The following PCDHA7 variants were observed in gnomAD, a reference collection of about 807,000 sequenced individuals.
PCDHA7 encodes the protein protocadherin alpha-7.
PCDHA7 carries 37 observed loss-of-function variants against 57.2 expected under a neutral mutation model. The observed-to-expected ratio is 0.65, with a 90% confidence interval of 0.50 to 0.85. PCDHA7 has a LOEUF of 0.85. Among genes scored for constraint, PCDHA7 ranks in the 40% least tolerant of loss-of-function variants. The pLI is 0.00. For missense variants in PCDHA7, 1,188 were observed against 1,241.8 expected, an observed-to-expected ratio of 0.96 and a Z score of 0.65; for synonymous variants, 553 against 558.8, an observed-to-expected ratio of 0.99 and a Z score of 0.15.
intron 1 of PCDHA7, chr5:140,967,312 A>G (rs1554229425): frequency 5.0e-6 from 8 of 1,611,226 alleles, no homozygotes; most frequent in Admixed American, 1.7e-5. Context: ...CCAACTCAGT[A>G]CAGACCTACG....
chr5:140,892,054 T>G (rs1409591142), intron 1 of PCDHA7, among the ~76,000 whole-genome samples: 4 of 152,244 alleles, frequency 2.6e-5, no homozygotes, highest in African/African-American at 7.2e-5. Flanking sequence ...TTTTTCAAAT[T>G]TATTGTTACT....
intron 1 of PCDHA7, 73 bp from the exon 2 acceptor site, chr5:140,978,876 A>G: frequency 6.2e-7 from 1 of 1,609,510 alleles, no homozygotes; most frequent in Non-Finnish European, 8.5e-7. Flanking sequence ...GGGAGTAACT[A>G]ATCAATTAGC....
intron 1 of PCDHA7, among the ~76,000 whole-genome samples, chr5:140,898,250 A>T (rs2066615127): frequency 6.6e-6 from 1 of 152,210 alleles, no homozygotes; most frequent in South Asian, 2.1e-4. Flanking sequence ...TGTTTTAGAC[A>T]TGAAGTCCTT....
At chr5:140,969,162 C>T in intron 1 of PCDHA7, 1 of 1,614,110 alleles carries the variant, frequency 6.2e-7, no homozygotes, top group Non-Finnish European at 8.5e-7. Flanking sequence ...TGTCTGACAG[C>T]AGGCTCAGGG....
chr5:140,964,969 G>T (rs2095866914), intron 1 of PCDHA7, among the ~76,000 whole-genome samples: 1 of 152,190 alleles, frequency 6.6e-6, no homozygotes, highest in South Asian at 2.1e-4. Flanking sequence ...TGGAACGAAG[G>T]GATGTGCTAG....
intron 1 of PCDHA7, among the ~76,000 whole-genome samples, chr5:140,958,973 ATTAG>A (rs2095457294): frequency 1.3e-5 from 2 of 152,038 alleles, no homozygotes; most frequent in African/African-American, 2.4e-5. Flanking sequence ...CTATTTTATT[ATTAG>A]TTATTGTTGC....
At chr5:140,932,192 T>C (rs1359260162) in intron 1 of PCDHA7, among the ~76,000 whole-genome samples, 4 of 151,968 alleles carry the variant, frequency 2.6e-5, no homozygotes, top group African/African-American at 9.6e-5. Context: ...GTCCATTTTT[T>C]TCTGTTAATA....
At chr5:140,984,247 C>G (rs1394918677) in intron 3 of PCDHA7, among the ~76,000 whole-genome samples, 2 of 152,138 alleles carry the variant, frequency 1.3e-5, no homozygotes, top group Non-Finnish European at 2.9e-5. Flanking sequence ...GTAGGTCGAC[C>G]TGGTAAGCCA....
At chr5:140,955,343 A>G (rs1031411707) in intron 1 of PCDHA7, among the ~76,000 whole-genome samples, 16 of 152,134 alleles carry the variant, frequency 1.1e-4, no homozygotes, top group African/African-American at 3.9e-4. Context: ...TAATCCCCAC[A>G]TGTTGTGAGA....
rs1587841717 is a variant in PCDHA7, at chr5:140,999,568, GA to G, written c.2504-10058del. On this transcript the variant is annotated intron_variant, in intron 3 of 3. Transcript: ENST00000525929. ...ATGAAGAGGGGGTATTTTGAGAAGA[GA>G]CTATAAAGGGAAATTGCCTTCCCTA... Among the ~76,000 whole-genome samples the G allele has an allele frequency of 2.0e-5, 3 of 152,084 alleles. No homozygotes were observed. In the South Asian group the frequency reaches 6.2e-4, roughly 32 times the overall value.
chr5:140,992,116 T>A (rs1279382326), intron 3 of PCDHA7, among the ~76,000 whole-genome samples: 1 of 151,688 alleles, frequency 6.6e-6, no homozygotes, highest in Non-Finnish European at 1.5e-5. Context: ...AGATGTGTCA[T>A]GGAAGAACAG....
chr5:140,998,275 A>G (rs1554256218), intron 3 of PCDHA7, among the ~76,000 whole-genome samples: 1 of 152,198 alleles, frequency 6.6e-6, no homozygotes, highest in African/African-American at 2.4e-5. Context: ...TGACACCCAT[A>G]GGATTAAATC....
At chr5:140,889,910 T>C (rs1554184095) in intron 1 of PCDHA7, among the ~76,000 whole-genome samples, 1 of 152,156 alleles carries the variant, frequency 6.6e-6, no homozygotes, top group East Asian at 1.9e-4. Flanking sequence ...GAGATTGTCA[T>C]ACTGTAAAGA....
At chr5:140,842,832 T>C in intron 1 of PCDHA7, 2 of 1,593,838 alleles carry the variant, frequency 1.3e-6, no homozygotes, top group East Asian at 2.2e-5. Flanking sequence ...GAGCGCTCGC[T>C]GTCGAGCTAC....
At chr5:140,952,161 G>A (rs1002170545) in intron 1 of PCDHA7, among the ~76,000 whole-genome samples, 1 of 152,046 alleles carries the variant, frequency 6.6e-6, no homozygotes, top group Non-Finnish European at 1.5e-5. Flanking sequence ...GCTTTGTGGG[G>A]TTCAGTTCCT....
At chr5:140,985,096 C>G (rs1486346952) in intron 3 of PCDHA7, among the ~76,000 whole-genome samples, 1 of 152,096 alleles carries the variant, frequency 6.6e-6, no homozygotes, top group Non-Finnish European at 1.5e-5. Context: ...TGCCACCAAG[C>G]CTGGCTAATT....
At chr5:140,997,097 T>G (rs1222829529) in intron 3 of PCDHA7, among the ~76,000 whole-genome samples, 10 of 152,156 alleles carry the variant, frequency 6.6e-5, no homozygotes, top group Admixed American at 5.2e-4. Context: ...TGCAGAGTTC[T>G]CATGCACTCC....
intron 1 of PCDHA7, among the ~76,000 whole-genome samples, chr5:140,838,952 A>G (rs1270544728): frequency 6.6e-6 from 1 of 152,048 alleles, no homozygotes; most frequent in Non-Finnish European, 1.5e-5. Flanking sequence ...ATAAAATAAA[A>G]TAAAAACCCA....
rs140356413 is a variant in PCDHA7, at chr5:140,945,687, T to C, written c.2356-33262T>C. On this transcript the variant is annotated intron_variant, in intron 1 of 3. Transcript: ENST00000525929. ...CCCAGAAATAAATCCACACAGTTAC[T>C]GTCCACTGATTTGCAACAAAAGTAT... 6.6e-3 allele frequency among the ~76,000 whole-genome samples: 1,005 copies of C among 152,204 alleles called. 10 individuals carry two copies. The highest frequency in any genetic ancestry group is 0.023 in the African/African-American group (952 of 41,538).
Sources: gnomAD v4.1 joint callset for allele counts (sites outside exome capture counted in the v4.1 genomes callset) on GRCh38, gnomAD v4.1.1 for gene constraint, MANE v1.5 for transcripts, NCBI Gene and HGNC (gene_info 2026-07-23, HGNC 2026-07-21) for gene names.